The following WASHC2C variants were observed in gnomAD, a reference collection of about 807,000 sequenced individuals.
The protein encoded by WASHC2C is Vaccinia Penetration Factor.
WASHC2C carries 73 observed loss-of-function variants against 142.2 expected under a neutral mutation model. The ratio of observed to expected loss-of-function variants is 0.51; its 90% confidence interval spans 0.43 to 0.62. WASHC2C has a LOEUF of 0.62. Ranked by LOEUF, WASHC2C falls within the 20% of genes least tolerant of loss-of-function variation. The pLI, the probability that WASHC2C is intolerant of heterozygous loss-of-function variation, is 0.00. For synonymous variants in WASHC2C, 337 were observed against 565.5 expected, an observed-to-expected ratio of 0.60 and a Z score of 5.73; for missense variants, 969 against 1,531.7, an observed-to-expected ratio of 0.63 and a Z score of 6.13.
intron 13 of WASHC2C, among the ~76,000 whole-genome samples, chr10:45,754,160 G>A (rs1350555991): frequency 6.6e-6 from 1 of 152,110 alleles, no homozygotes; most frequent in Non-Finnish European, 1.5e-5. Context: ...GGAACTGTTT[G>A]GGGGAGCCCC....
At chr10:45,746,710 T>C in intron 8 of WASHC2C, 63 bp downstream of exon 8, 2 of 1,585,964 alleles carry the variant, frequency 1.3e-6, no homozygotes, top group Non-Finnish European at 1.7e-6. Context: ...GTATATATAC[T>C]AAAATTACTT....
chr10:45,784,289 T>TATATATATAC lies in WASHC2C; in HGVS notation c.2479-275_2479-274insTATATATACA, dbSNP rs1333007505. Among the ~76,000 whole-genome samples the TATATATATAC allele has an allele frequency of 4.5e-4, 8 of 17,702 alleles. 1 individual carries two copies. The highest frequency in any genetic ancestry group is 5.9e-3 in the South Asian group (2 of 340). The allele number at this position is 17,702 out of a possible 152,430, so 11.6% of individuals were successfully genotyped here. A position where few individuals can be genotyped will look rare whatever the true frequency, so the allele number is the denominator to read the frequency against. ...ATATATATATATATATATATATATATACACATATATATATATATATATACA... is the reference window on the plus strand; with the variant it reads ...ATATATATATATATATATATATATATATATATATACACACATATATATATATATATATACA... On this transcript the variant is annotated intron_variant, in intron 23 of 30. Coordinates refer to ENST00000623400, the MANE Select transcript of WASHC2C (RefSeq NM_001330074.2).
intron 22 of WASHC2C, 27 bp downstream of exon 22, chr10:45,777,452 A>G: frequency 1.2e-6 from 2 of 1,611,778 alleles, no homozygotes; most frequent in South Asian, 1.1e-5. Context: ...GTATACTTGA[A>G]TGCATTTGTC....
chr10:45,762,884 C>T (rs1209136476), intron 17 of WASHC2C, among the ~76,000 whole-genome samples: 1 of 152,092 alleles, frequency 6.6e-6, no homozygotes, highest in Non-Finnish European at 1.5e-5. Context: ...GCAGCCTGGG[C>T]AACAGAGCGA....
In WASHC2C at chr10:45,784,888, A is replaced by G; in HGVS notation, c.2675A>G (p.Lys892Arg). Residue 892 changes from lysine to arginine, a missense_variant, in exon 25 of 31, where the codon AAG (lysine) becomes AGG (arginine). By Grantham distance (26) the Lys-to-Arg change is conservative (BLOSUM62 2). Transcript: ENST00000623400. ...GATGATGATCTTTTCAGCTCTGCCA[A>G]GTCCCAGCCTTTGGTACCAGCCTTT... ...DEDDDLFSSA[K>R]SQPLVQEKKR... 3 of 1,609,200 alleles carry G rather than the reference A, an allele frequency of 1.9e-6. No homozygotes were observed. The highest frequency in any genetic ancestry group is 2.5e-6 in the Non-Finnish European group (3 of 1,178,140).
chr10:45,730,127 C>G (rs2050365159), intron 3 of WASHC2C, among the ~76,000 whole-genome samples: 1 of 135,472 alleles, frequency 7.4e-6, no homozygotes, highest in South Asian at 2.6e-4. Flanking sequence ...GGTGGATCAC[C>G]TGAGGTTGGG....
At chr10:45,762,095 C>T (rs2055176778) in intron 17 of WASHC2C, among the ~76,000 whole-genome samples, 2 of 150,202 alleles carry the variant, frequency 1.3e-5, no homozygotes, top group South Asian at 2.1e-4. Flanking sequence ...TGAAGTTTAT[C>T]TTCCCAAGGG....
At chr10:45,772,545 A>C (rs1421956778) in intron 20 of WASHC2C, among the ~76,000 whole-genome samples, 1 of 151,510 alleles carries the variant, frequency 6.6e-6, no homozygotes, top group Non-Finnish European at 1.5e-5. Context: ...GAGCGACCTC[A>C]CCTCTCCAAA....
At chr10:45,766,993 G>C (rs184025677) in intron 19 of WASHC2C, among the ~76,000 whole-genome samples, 1 of 152,320 alleles carries the variant, frequency 6.6e-6, no homozygotes, top group Non-Finnish European at 1.5e-5. Context: ...GCGGCCGGGC[G>C]TGGTAGCTCA....
chr10:45,792,462 A>T lies in WASHC2C; in HGVS notation c.*62A>T, dbSNP rs1283685033. 8.3e-6 allele frequency: 13 copies of T among 1,559,994 alleles called. 3 individuals carry two copies. The highest frequency in any genetic ancestry group is 1.4e-5 in the African/African-American group (1 of 72,860). Reference sequence around the variant, plus strand: ...ATTGTTGAGTTAGTGATGATATTGTATATGCTCATGGTCTTAACTGGATTA... The same window carrying T: ...ATTGTTGAGTTAGTGATGATATTGTTTATGCTCATGGTCTTAACTGGATTA... On this transcript the variant is annotated 3_prime_UTR_variant, in exon 31 of 31. Coordinates refer to ENST00000623400, the MANE Select transcript of WASHC2C (RefSeq NM_001330074.2).
Position 45,728,968 on chromosome 10 carries a change from G to A in WASHC2C, c.233G>A (p.Arg78His), listed in dbSNP as rs782382053. 17 of 1,613,784 alleles carry A rather than the reference G, an allele frequency of 1.1e-5. No individual in the cohort carries two copies. The highest frequency in any genetic ancestry group is 2.7e-5 in the African/African-American group (2 of 74,912). The stretch of plus-strand genomic sequence containing the variant: ...CGGGAAACCAAAGCCACAGATTGTC[G>A]CCTGCATAATGTCTTCAATGACTTC... ...LIRETKATDC[R>H]LHNVFNDFLM... Residue 78 changes from arginine (R) to histidine (H), a missense_variant, in exon 3 of 31, where the codon CGC becomes CAC. Transcript: ENST00000623400.
At chr10:45,784,287 T>TTGTGC (rs2057822184) in intron 23 of WASHC2C, among the ~76,000 whole-genome samples, 1 of 8,518 alleles carries the variant, frequency 1.2e-4, no homozygotes, top group Non-Finnish European at 3.1e-4. Flanking sequence ...TATATATATA[T>TTGTGC]ATACACATAT....
Position 45,728,939 on chromosome 10 carries a change from A to G in WASHC2C, c.204A>G (p.Leu68=). 1 of 1,613,998 alleles carries G rather than the reference A, an allele frequency of 6.2e-7. No individual in the cohort carries two copies. Among genetic ancestry groups the G allele is most frequent in the East Asian group, 2.2e-5 (1 of 44,884 alleles). ...AAATCAAGAAACAAGTGGACGGACT[A>G]ATCCGGGAAACCAAAGCCACAGATT... ...THEIKKQVDG[L]IRETKATDCR... The change falls in exon 3 of 31, where the codon CTA becomes CTG. Residue 68 remains leucine (L), a synonymous_variant. Coordinates refer to ENST00000623400, the MANE Select transcript of WASHC2C (RefSeq NM_001330074.2).
intron 21 of WASHC2C, among the ~76,000 whole-genome samples, chr10:45,775,706 G>A (rs1174150843): frequency 1.3e-4 from 18 of 134,700 alleles, no homozygotes; most frequent in South Asian, 2.2e-4. Flanking sequence ...TTTTTGAGAC[G>A]GAGTCTTGCT....
intron 26 of WASHC2C, 176 bp downstream of exon 26, chr10:45,785,807 A>C: frequency 1.7e-6 from 2 of 1,156,410 alleles, no homozygotes; most frequent in Non-Finnish European, 2.5e-6. Context: ...TCCTCACTCC[A>C]CACGCCAGAG....
At chr10:45,784,267 T>TATATATATACAC (rs1554888909) in intron 23 of WASHC2C, among the ~76,000 whole-genome samples, 2 of 5,654 alleles carry the variant, frequency 3.5e-4, no homozygotes, top group African/African-American at 6.4e-4. Context: ...TATATATATA[T>TATATATATACAC]ATATATATAT....
chr10:45,784,293 C>CATATATATATATATATATATACACAT (rs1286811903), intron 23 of WASHC2C, among the ~76,000 whole-genome samples: 1 of 63,660 alleles, frequency 1.6e-5, no homozygotes, highest in Non-Finnish European at 3.1e-5. Context: ...TATATATACA[C>CATATATATATATATATATATACACAT]ATATATATAT....
intron 17 of WASHC2C, among the ~76,000 whole-genome samples, chr10:45,762,195 A>G (rs1403055345): frequency 6.6e-6 from 1 of 151,518 alleles, no homozygotes; most frequent in Non-Finnish European, 1.5e-5. Context: ...TAACATTTTG[A>G]AAATTTCTTG....
intron 4 of WASHC2C, 22 bp downstream of exon 4, chr10:45,738,067 T>C: frequency 6.2e-7 from 1 of 1,611,938 alleles, no homozygotes; most frequent in Non-Finnish European, 8.5e-7. Flanking sequence ...AAATCACTCT[T>C]AGCTGAGTTT....
Sources: allele counts gnomAD v4.1 joint callset (sites outside exome capture counted in the v4.1 genomes callset), GRCh38; gene constraint gnomAD v4.1.1; transcripts MANE v1.5; gene names NCBI Gene and HGNC (gene_info 2026-07-23, HGNC 2026-07-21).